The following BTBD9 variants were observed in gnomAD, a reference collection of about 807,000 sequenced individuals.
BTBD9 encodes the protein BTB domain containing 9.
A neutral mutation model predicts 64.3 loss-of-function variants in BTBD9; 49 were observed. The ratio of observed to expected loss-of-function variants is 0.76; its 90% confidence interval spans 0.61 to 0.97. The LOEUF is 0.97. Among genes scored for constraint, BTBD9 ranks in the 50% least tolerant of loss-of-function variants. BTBD9 has a pLI of 0.00. For missense variants in BTBD9, 598 were observed against 762.1 expected, an observed-to-expected ratio of 0.78 and a Z score of 2.53; for synonymous variants, 260 against 274.7, an observed-to-expected ratio of 0.95 and a Z score of 0.53.
chr6:38,423,439 G>T (rs1389828622), intron 6 of BTBD9, among the ~76,000 whole-genome samples: 1 of 151,916 alleles, frequency 6.6e-6, no homozygotes, highest in Non-Finnish European at 1.5e-5. Flanking sequence ...CTCGAAACTG[G>T]GACTACAGGC....
chr6:38,477,755 G>C (rs904846146), intron 6 of BTBD9, among the ~76,000 whole-genome samples: 2 of 152,210 alleles, frequency 1.3e-5, no homozygotes, highest in Non-Finnish European at 1.5e-5. Flanking sequence ...GGGGGTATTT[G>C]AATTTGTAAA....
chr6:38,347,483 G>GA (rs1338288188), intron 6 of BTBD9, among the ~76,000 whole-genome samples: 1 of 152,006 alleles, frequency 6.6e-6, no homozygotes, highest in Non-Finnish European at 1.5e-5. Context: ...TAAGTTTCTA[G>GA]AAAAAAATTG....
At chr6:38,299,267 T>G (rs1422920100) in intron 7 of BTBD9, among the ~76,000 whole-genome samples, 1 of 152,212 alleles carries the variant, frequency 6.6e-6, no homozygotes, top group Non-Finnish European at 1.5e-5. Context: ...TGTTGGACAT[T>G]TGGGTTGGTT....
At chr6:38,632,702 T>C (rs2127533985) in intron 1 of BTBD9, among the ~76,000 whole-genome samples, 1 of 152,262 alleles carries the variant, frequency 6.6e-6, no homozygotes, top group Non-Finnish European at 1.5e-5. Flanking sequence ...GAGGCCAAAG[T>C]TGGAGGATCC....
chr6:38,311,866 A>T (rs990367099), intron 7 of BTBD9, among the ~76,000 whole-genome samples: 1 of 149,958 alleles, frequency 6.7e-6, no homozygotes, highest in African/African-American at 2.5e-5. Context: ...TTTCTTTTTT[A>T]TTTTTATTTT....
intron 6 of BTBD9, among the ~76,000 whole-genome samples, chr6:38,445,802 G>A (rs1460107255): frequency 1.3e-5 from 2 of 152,128 alleles, no homozygotes; most frequent in African/African-American, 2.4e-5. Context: ...TATTGATACT[G>A]TTACCATATA....
intron 9 of BTBD9, among the ~76,000 whole-genome samples, chr6:38,220,242 G>A (rs568728375): frequency 2.6e-4 from 39 of 152,328 alleles, no homozygotes; most frequent in African/African-American, 9.1e-4. Flanking sequence ...CAATACTGAC[G>A]TTCACTAGTC....
chr6:38,189,161 A>G (rs1178750316), intron 10 of BTBD9, among the ~76,000 whole-genome samples: 1 of 152,134 alleles, frequency 6.6e-6, no homozygotes, highest in East Asian at 1.9e-4. Context: ...ACTGTGAATC[A>G]GGGTGGTGCT....
At chr6:38,467,772 C>A (rs191155623) in intron 6 of BTBD9, among the ~76,000 whole-genome samples, 1 of 152,262 alleles carries the variant, frequency 6.6e-6, no homozygotes, top group Non-Finnish European at 1.5e-5. Context: ...TCCTAAATTA[C>A]CCAAGCTTAA....
At chr6:38,250,452 C>T (rs16890515) in intron 9 of BTBD9, among the ~76,000 whole-genome samples, 2,363 of 152,182 alleles carry the variant, frequency 0.016, 45 homozygotes, top group African/African-American at 0.053. Flanking sequence ...ACAATTCTTC[C>T]AAGAGGGGAA....
chr6:38,556,076 T>A (rs999223811), intron 6 of BTBD9, among the ~76,000 whole-genome samples: 3 of 152,134 alleles, frequency 2.0e-5, no homozygotes, highest in Admixed American at 6.5e-5. Context: ...ACTGCAAGGC[T>A]CGAGGTAATG....
intron 4 of BTBD9, among the ~76,000 whole-genome samples, chr6:38,590,290 G>A (rs756482112): frequency 6.6e-6 from 1 of 152,040 alleles, no homozygotes; most frequent in Non-Finnish European, 1.5e-5. Context: ...TGGTAACAAT[G>A]GTTTCCTATA....
intron 10 of BTBD9, among the ~76,000 whole-genome samples, chr6:38,188,544 C>T (rs1458404855): frequency 6.6e-6 from 1 of 152,210 alleles, no homozygotes; most frequent in African/African-American, 2.4e-5. Flanking sequence ...TGCCATAGAC[C>T]AAATCCATCG....
intron 1 of BTBD9, among the ~76,000 whole-genome samples, chr6:38,619,308 A>G (rs1303415753): frequency 6.6e-6 from 1 of 152,202 alleles, no homozygotes; most frequent in Non-Finnish European, 1.5e-5. Flanking sequence ...GACCAAGAGG[A>G]ACAGGCCAAA....
chr6:38,358,787 C>CG lies in BTBD9; in HGVS notation c.1155-13695dup, dbSNP rs560610501. Among the ~76,000 whole-genome samples the CG allele has an allele frequency of 2.6e-4, 38 of 144,274 alleles. 1 individual carries two copies. In the East Asian group the frequency reaches 7.7e-3, roughly 29 times the overall value. The allele number at this position is 144,274 out of a possible 152,430, so 94.6% of individuals were successfully genotyped here. On this transcript the variant is annotated intron_variant, in intron 6 of 10. Transcript: ENST00000481247. ...TTGTGACCTTTTTTTTTTTTTGAGA[C>CG]GGAGTCTCGCTCTGTCGCCCAGGCC...
At chr6:38,433,874 G>A (rs1314958425) in intron 6 of BTBD9, among the ~76,000 whole-genome samples, 1 of 151,906 alleles carries the variant, frequency 6.6e-6, no homozygotes, top group African/African-American at 2.4e-5. Flanking sequence ...TAAGTTCACT[G>A]CTGTATACTC....
chr6:38,403,417 A>T (rs1447390469), intron 6 of BTBD9, among the ~76,000 whole-genome samples: 1 of 152,244 alleles, frequency 6.6e-6, no homozygotes. Context: ...AAAAAGGCAT[A>T]AAGAATCTGG....
intron 6 of BTBD9, among the ~76,000 whole-genome samples, chr6:38,479,438 CATGAGGTGGTGA>C: frequency 1.3e-5 from 2 of 152,124 alleles, no homozygotes; most frequent in Non-Finnish European, 2.9e-5. Context: ...ACATGACAAA[CATGAGGTGGTGA>C]CTATGTTAAT....
intron 6 of BTBD9, among the ~76,000 whole-genome samples, chr6:38,472,115 C>T (rs1318729397): frequency 6.6e-6 from 1 of 152,190 alleles, no homozygotes; most frequent in African/African-American, 2.4e-5. Context: ...AGGGATTTCA[C>T]TTTTCTGTAG....
Sources: allele counts gnomAD v4.1 joint callset (sites outside exome capture counted in the v4.1 genomes callset), GRCh38; gene constraint gnomAD v4.1.1; transcripts MANE v1.5; gene names NCBI Gene and HGNC (gene_info 2026-07-23, HGNC 2026-07-21).